Variants in TEP1 observed in about 807,000 individuals in gnomAD.
TEP1 encodes the protein telomerase associated protein 1, also known as telomerase protein component 1.
In TEP1, 241 loss-of-function variants were observed where a neutral mutation model predicts 306.3. The observed-to-expected ratio is 0.79, with a 90% CI of 0.71 to 0.88. TEP1 has a LOEUF of 0.88. Among genes scored for constraint, TEP1 ranks in the 40% least tolerant of loss-of-function variants. TEP1 has a pLI of 0.00. For missense variants in TEP1, 3,051 were observed against 3,276.1 expected (o/e 0.93, Z 1.68); for synonymous variants, 1,289 against 1,305.5 (o/e 0.99, Z 0.27).
At chr14:20,391,236 C>T (rs867534385) in intron 13 of TEP1, 140 bp from the exon 14 acceptor site, 1 of 880,608 alleles carries the variant, frequency 1.1e-6, no homozygotes, top group African/African-American at 1.7e-5. Context: ...GAGGGGTCAG[C>T]TTCAGCAGCC....
intron 1 of TEP1, among the ~76,000 whole-genome samples, chr14:20,410,454 G>C (rs1210093884): frequency 6.6e-6 from 1 of 151,916 alleles, no homozygotes. Flanking sequence ...ACAGAGTCTT[G>C]CTCTGTCACC....
Position 20,381,000 on chromosome 14 carries a change from G to T in TEP1, c.4693C>A (p.Leu1565Ile), listed in dbSNP as rs1399659344. 1.2e-6 allele frequency: 2 copies of T among 1,614,162 alleles called. No individual in the cohort carries two copies. Among genetic ancestry groups the T allele is most frequent in the Admixed American group, 1.7e-5 (1 of 60,000 alleles). Reference sequence around the variant, plus strand: ...TCCAAGTGTGCAGCCACCACATGGAGGTTGGTAAGGAACTTCGAAAGAAGT... The same window carrying T: ...TCCAAGTGTGCAGCCACCACATGGATGTTGGTAAGGAACTTCGAAAGAAGT... The part of the protein sequence containing the change: ...RGLLSKFLTN[L>I]HVVAAHLELG... Residue 1565 changes from leucine (L) to isoleucine (I), a missense_variant, in exon 33 of 55, where the codon CTC becomes ATC. Coordinates refer to ENST00000262715, the MANE Select transcript of TEP1 (RefSeq NM_007110.5).
chr14:20,403,904 G>A lies in TEP1; in HGVS notation c.1033-20C>T. Reference sequence around the variant, plus strand: ...CAGGCTCTGTCAAAGAGAGAGGAGAGACCACTAGAAGCAAGACCCAAACCA... The same window carrying A: ...CAGGCTCTGTCAAAGAGAGAGGAGAAACCACTAGAAGCAAGACCCAAACCA... On this transcript the variant is annotated intron_variant, in intron 5 of 54. Coordinates refer to ENST00000262715, the MANE Select transcript of TEP1 (RefSeq NM_007110.5). The A allele has an allele frequency of 6.2e-7, 1 of 1,613,860 alleles. No homozygotes were observed. The highest frequency in any genetic ancestry group is 1.1e-5 in the South Asian group (1 of 91,070).
intron 38 of TEP1, 30 bp downstream of exon 38, chr14:20,378,350 T>C (rs973511981): frequency 8.7e-6 from 14 of 1,613,508 alleles, no homozygotes; most frequent in Non-Finnish European, 1.2e-5. Flanking sequence ...CTCCTGTGCT[T>C]CCCCCAAGAG....
chr14:20,404,028 G>C, intron 5 of TEP1, 144 bp from the exon 6 acceptor site: 1 of 1,161,552 alleles, frequency 8.6e-7, no homozygotes, highest in Non-Finnish European at 1.2e-6. Context: ...AATTTCTGTG[G>C]TACTGATTTT....
intron 51 of TEP1, 149 bp downstream of exon 51, chr14:20,371,069 C>A: frequency 1.5e-6 from 1 of 658,728 alleles, no homozygotes; most frequent in South Asian, 1.9e-5. Context: ...ACACAATGTC[C>A]TAAATTAGAA....
In TEP1 at chr14:20,377,471, T is replaced by C. The variant is rs756934772; in HGVS notation, c.5897A>G (p.Gln1966Arg). 3.6e-5 allele frequency: 58 copies of C among 1,614,020 alleles called. No individual in the cohort carries two copies. In the East Asian group the frequency reaches 1.2e-3, roughly 33 times the overall value. Residue 1966 changes from glutamine to arginine, a missense_variant, in exon 41 of 55, where the codon CAG (glutamine) becomes CGG (arginine). Physicochemically the swap from Gln to Arg is conservative, Grantham distance 43. Coordinates refer to ENST00000262715, the MANE Select transcript of TEP1 (RefSeq NM_007110.5). ...GGCGGACACTGCCACATCCAGTGCCTGACCCTGAGCCCCCTGGGAACCTAG... is the reference window on the plus strand; with the variant it reads ...GGCGGACACTGCCACATCCAGTGCCCGACCCTGAGCCCCCTGGGAACCTAG... ...ISSGSQGAQG[Q>R]ALDVAVSALA...
At chr14:20,407,211 G>A (rs962824444) in intron 2 of TEP1, among the ~76,000 whole-genome samples, 17 of 152,220 alleles carry the variant, frequency 1.1e-4, no homozygotes, top group Non-Finnish European at 2.5e-4. Flanking sequence ...TCTGGTACAG[G>A]CCCTGATAGG....
chr14:20,390,260 TAATA>T (rs1324243646), intron 15 of TEP1, among the ~76,000 whole-genome samples: 3 of 152,160 alleles, frequency 2.0e-5, no homozygotes, highest in Non-Finnish European at 4.4e-5. Context: ...AAAACAAATG[TAATA>T]AATACTCAAA....
Position 20,403,437 on chromosome 14 carries a change from A to C in TEP1, c.1206T>G (p.Pro402=). 6.2e-7 allele frequency: 1 copy of C among 1,614,174 alleles called. No individual in the cohort carries two copies. Among genetic ancestry groups the C allele is most frequent in the South Asian group, 1.1e-5 (1 of 91,086 alleles). Residue 402 remains proline, a synonymous_variant, in exon 7 of 55, where the codon CCT becomes CCG. Transcript: ENST00000262715. The part of the protein sequence containing the change: ...RRPPRSPGME[P]PFSHRCFPRY... ...TTGGAAAACATCTGTGAGAAAATGGAGGCTCCATCCCCTGTAGGGACAGGA... is the reference window on the plus strand; with the variant it reads ...TTGGAAAACATCTGTGAGAAAATGGCGGCTCCATCCCCTGTAGGGACAGGA...
intron 9 of TEP1, 124 bp downstream of exon 9, chr14:20,400,860 A>AAATCGTTTTCAGT (rs147276664): frequency 0.045 from 57,847 of 1,294,722 alleles, 1,471 homozygotes; most frequent in South Asian, 0.073. Flanking sequence ...CTTATAAATC[A>AAATCGTTTTCAGT]AATACAACAA....
Position 20,381,242 on chromosome 14 carries a change from C to T in TEP1, c.4647+71G>A, listed in dbSNP as rs879143874. On this transcript the variant is annotated intron_variant, in intron 32 of 54. Transcript: ENST00000262715. This position sits in a 1 kb window ranked among gnomAD's most constrained non-coding sequence, Gnocchi z 4.0. ...GCGGCGGTGATGGTGGAGATGGTAA[C>T]GGGGAGAGGGGTCTCAGAGCAACCA... The T allele has an allele frequency of 2.2e-5, 33 of 1,484,238 alleles. No individual in the cohort carries two copies. Among genetic ancestry groups the T allele is most frequent in the South Asian group, 1.5e-4 (13 of 88,342 alleles). 91.9% of individuals were successfully genotyped at this position (1,484,238 alleles called of 1,614,324 possible). A position where few individuals can be genotyped will look rare whatever the true frequency, so the allele number is the denominator to read the frequency against.
At position 20,385,002 on chromosome 14, in the gene TEP1, C is replaced by T. The variant is rs1877001295; in HGVS notation, c.3090G>A (p.Arg1030=). ...GACAGTACCTGAGGAAGCTGGAATC[C>T]CGGAAGTAGATGAGAGCTTGGGCAG... ...QPSAQALIYF[R]DSSFLSSVPD... Residue 1030 remains arginine, a synonymous_variant, in exon 21 of 55, where the codon CGG becomes CGA. Transcript: ENST00000262715. 2 of 1,614,092 alleles carry T rather than the reference C, an allele frequency of 1.2e-6. No homozygotes were observed. Among genetic ancestry groups the T allele is most frequent in the Admixed American group, 3.3e-5 (2 of 60,004 alleles).
rs758168780 is a variant in TEP1 at position 20,383,780 on chromosome 14, G to T, written c.3673C>A (p.Gln1225Lys). ...GGGAGGGCACCTGGCTCTTTTAGTT[G>T]GCCACGCAGATAGGTACAGAGGCGT... ...LRRLCTYLRG[Q>K]LKEPGALPST... Residue 1225 changes from glutamine to lysine, a missense_variant, in exon 25 of 55, where the codon CAA becomes AAA. Physicochemically the swap from Gln to Lys is moderately conservative, Grantham distance 53. This residue lies in a region of TEP1 where 1,507 missense variants were observed against 1,550.5 expected (regional missense o/e 0.97). Coordinates refer to ENST00000262715, the MANE Select transcript of TEP1 (RefSeq NM_007110.5). 1.1e-5 allele frequency: 17 copies of T among 1,611,424 alleles called. No homozygotes were observed. The highest frequency in any genetic ancestry group is 1.4e-5 in the Non-Finnish European group (17 of 1,179,370).
chr14:20,395,622 GC>G lies in TEP1; in HGVS notation c.1755del (p.Leu585PhefsTer7). The G allele has an allele frequency of 6.3e-7, 1 of 1,596,678 alleles. No individual in the cohort carries two copies. Among genetic ancestry groups the G allele is most frequent in the African/African-American group, 1.3e-5 (1 of 74,738 alleles). On this transcript the variant is annotated frameshift_variant, in exon 12 of 55. Coordinates refer to ENST00000262715, the MANE Select transcript of TEP1 (RefSeq NM_007110.5). LOFTEE classifies it high-confidence loss of function. ...ALEAQLRNQA[L>X]PFPSNITLMR... ...ATCAGTGTTATATTCGAAGGAAAGG[GC>G]AATGCTGTATGATGACAGGTAAATT...
chr14:20,381,379 G>A lies in TEP1; in HGVS notation c.4581C>T (p.Asp1527=), dbSNP rs533792806. The stretch of plus-strand genomic sequence containing the variant: ...TTCGGAAGGTGCCTGAGGCATCAGC[G>A]TCACATGTCTTCCAGAGCTGAGCTG... The part of the protein sequence containing the change: ...LIAAQLWKTC[D]ADASGTFRSC... The change falls in exon 32 of 55, where the codon GAC becomes GAT. Residue 1527 remains aspartate (D), a synonymous_variant. Transcript: ENST00000262715. This position sits in a 1 kb window ranked among gnomAD's most constrained non-coding sequence, Gnocchi z 4.0. 68 of 1,614,146 alleles carry A rather than the reference G, an allele frequency of 4.2e-5. No individual in the cohort carries two copies. The highest frequency in any genetic ancestry group is 3.8e-4 in the South Asian group (35 of 91,086).
At position 20,374,541 on chromosome 14, in the gene TEP1, A is replaced by C; in HGVS notation, c.6364-5T>G. Reference sequence around the variant, plus strand: ...GCCATCACTGGAGCAGGATATCTACAGAGTCAGAAGTCAGAGGAGTGGGAT... The same window carrying C: ...GCCATCACTGGAGCAGGATATCTACCGAGTCAGAAGTCAGAGGAGTGGGAT... On this transcript the variant is annotated splice_polypyrimidine_tract_variant and splice_region_variant and intron_variant, in intron 43 of 54. Transcript: ENST00000262715. The C allele has an allele frequency of 6.2e-7, 1 of 1,604,650 alleles. No homozygotes were observed. Among genetic ancestry groups the C allele is most frequent in the Non-Finnish European group, 8.5e-7 (1 of 1,173,486 alleles).
At position 20,373,619 on chromosome 14, in the gene TEP1, C is replaced by T. The variant is rs562368758; in HGVS notation, c.6605-36G>A. ...ACAGAGACTGAGTCAGAAGAAGGGA[C>T]GGAGCAGGGGAGAAAAGAAGAGACA... On this transcript the variant is annotated intron_variant, in intron 45 of 54. Coordinates refer to ENST00000262715, the MANE Select transcript of TEP1 (RefSeq NM_007110.5). The T allele has an allele frequency of 1.6e-5, 26 of 1,614,062 alleles. No individual in the cohort carries two copies. In the East Asian group the frequency reaches 1.8e-4, roughly 11 times the overall value.
chr14:20,389,826 G>C, intron 15 of TEP1, 86 bp from the exon 16 acceptor site: 1 of 1,544,242 alleles, frequency 6.5e-7, no homozygotes, highest in East Asian at 2.3e-5. Flanking sequence ...AGGACAGGAG[G>C]ATTAGGAGAA....
Sources: allele counts gnomAD v4.1 joint callset (sites outside exome capture counted in the v4.1 genomes callset), GRCh38; gene constraint gnomAD v4.1.1; regional missense constraint gnomAD v4.1.1; non-coding constraint Gnocchi (gnomAD v3.1); transcripts MANE v1.5; gene names NCBI Gene and HGNC (gene_info 2026-07-23, HGNC 2026-07-21).